CNTNAP2: variants seen among roughly 807,000 people sequenced by gnomAD.
The protein encoded by CNTNAP2 is contactin-associated protein-like 2.
Under a neutral mutation model 155.2 loss-of-function variants are expected in CNTNAP2, and 98 were observed. The ratio of observed to expected loss-of-function variants is 0.63; its 90% CI spans 0.54 to 0.75. CNTNAP2 has a LOEUF of 0.75. Ranked by LOEUF, CNTNAP2 falls within the 30% of genes least tolerant of loss-of-function variation. CNTNAP2 has a pLI of 0.00. For synonymous variants in CNTNAP2, 651 were observed against 631.2 expected, an observed-to-expected ratio of 1.03 and a Z score of -0.47; for missense variants, 1,727 against 1,688.1, an observed-to-expected ratio of 1.02 and a Z score of -0.40.
chr7:147,705,981 AT>A lies in CNTNAP2; in HGVS notation c.2098+66685del, dbSNP rs113330542. Among the ~76,000 whole-genome samples the A allele has an allele frequency of 4.0e-4, 58 of 145,270 alleles. 1 individual carries two copies. Among genetic ancestry groups the A allele is most frequent in the African/African-American group, 7.7e-4 (31 of 40,018 alleles). Reference sequence around the variant, plus strand: ...CTTGTGGGTGGAAGAGAGTTGGCTCATTTTTTTTTTGTCTTTTCAGCCAGTC... The same window carrying A: ...CTTGTGGGTGGAAGAGAGTTGGCTCATTTTTTTTTGTCTTTTCAGCCAGTC... On this transcript the variant is annotated intron_variant, in intron 13 of 23. Transcript: ENST00000361727.
intron 16 of CNTNAP2, among the ~76,000 whole-genome samples, chr7:148,130,574 C>A (rs1187475250): frequency 1.3e-5 from 2 of 152,312 alleles, no homozygotes; most frequent in East Asian, 1.9e-4. Flanking sequence ...CCTTATAAGA[C>A]AAAGTACAAT....
intron 8 of CNTNAP2, among the ~76,000 whole-genome samples, chr7:147,196,401 A>G (rs990803054): frequency 6.6e-6 from 1 of 152,238 alleles, no homozygotes; most frequent in Admixed American, 6.5e-5. Flanking sequence ...AATATTAGCT[A>G]GGAATGGACC....
chr7:148,181,278 C>T (rs59800292), intron 18 of CNTNAP2, among the ~76,000 whole-genome samples: 55,765 of 151,924 alleles, frequency 0.37, 11,021 homozygotes, highest in South Asian at 0.43. Flanking sequence ...TCTATATAGT[C>T]TGTTGATTAT....
intron 12 of CNTNAP2, among the ~76,000 whole-genome samples, chr7:147,612,653 G>T (rs548537058): frequency 7.9e-4 from 120 of 152,048 alleles, no homozygotes; most frequent in African/African-American, 2.4e-3. Flanking sequence ...TGCCCGCCTT[G>T]GCCTCCCAAA....
intron 3 of CNTNAP2, among the ~76,000 whole-genome samples, chr7:146,995,999 T>G (rs1407297752): frequency 1.3e-5 from 2 of 152,110 alleles, no homozygotes; most frequent in African/African-American, 4.8e-5. Context: ...TCTCCTGTTT[T>G]GTTTTTGTTT....
intron 1 of CNTNAP2, among the ~76,000 whole-genome samples, chr7:146,624,988 CTCCA>C (rs1585012674): frequency 6.6e-6 from 1 of 151,888 alleles, no homozygotes. Context: ...GAAAAATAAT[CTCCA>C]TCCAACAAAC....
At chr7:148,047,148 A>G in intron 15 of CNTNAP2, among the ~76,000 whole-genome samples, 1 of 152,114 alleles carries the variant, frequency 6.6e-6, no homozygotes, top group East Asian at 1.9e-4. Flanking sequence ...ACTACTTGCC[A>G]TTGGTCATTA....
intron 4 of CNTNAP2, among the ~76,000 whole-genome samples, chr7:147,102,964 AT>A (rs2129278179): frequency 6.6e-6 from 1 of 152,340 alleles, no homozygotes; most frequent in South Asian, 2.1e-4. Context: ...CAGTCTTTTC[AT>A]CTGACTATTG....
At chr7:147,410,753 A>G (rs989876979) in intron 10 of CNTNAP2, among the ~76,000 whole-genome samples, 2 of 152,222 alleles carry the variant, frequency 1.3e-5, no homozygotes, top group African/African-American at 4.8e-5. Flanking sequence ...ACACACAGGA[A>G]TATAAGACAG....
intron 20 of CNTNAP2, among the ~76,000 whole-genome samples, chr7:148,236,264 C>T (rs1011103173): frequency 6.6e-6 from 1 of 152,116 alleles, no homozygotes; most frequent in Non-Finnish European, 1.5e-5. Flanking sequence ...ACTTTGGGGC[C>T]AGTGGACACA....
chr7:146,209,700 G>A (rs889958448), intron 1 of CNTNAP2, among the ~76,000 whole-genome samples: 3 of 152,064 alleles, frequency 2.0e-5, no homozygotes, highest in Non-Finnish European at 4.4e-5. Context: ...TAAAGGAAAT[G>A]TTTGAAATAA....
At position 146,221,924 on chromosome 7, in the gene CNTNAP2, A is replaced by G. The variant is rs139144916; in HGVS notation, c.97+104951A>G. On this transcript the variant is annotated intron_variant, in intron 1 of 23. Transcript: ENST00000361727. ...TCAAGGAAAAGACAATGAGGTTCCT[A>G]TCATTTATGTATCCTCAGTGCCTAG... 3.4e-3 allele frequency among the ~76,000 whole-genome samples: 525 copies of G among 152,326 alleles called. 3 individuals are homozygous for G. Among genetic ancestry groups the G allele is most frequent in the South Asian group, 0.011 (53 of 4,828 alleles).
chr7:146,403,607 G>A (rs971006817), intron 1 of CNTNAP2, among the ~76,000 whole-genome samples: 2 of 151,908 alleles, frequency 1.3e-5, no homozygotes, highest in Non-Finnish European at 2.9e-5. Context: ...GTATATTTTG[G>A]AAAACAAATG....
intron 1 of CNTNAP2, among the ~76,000 whole-genome samples, chr7:146,434,491 C>A (rs139329954): frequency 5.3e-4 from 81 of 152,232 alleles, no homozygotes; most frequent in African/African-American, 1.8e-3. Flanking sequence ...TAGTTCATAA[C>A]CCTCAACATT....
intron 22 of CNTNAP2, among the ~76,000 whole-genome samples, chr7:148,395,125 C>G (rs1051764413): frequency 1.4e-5 from 2 of 144,940 alleles, no homozygotes; most frequent in African/African-American, 5.2e-5. Context: ...GTTGACCCCC[C>G]CCCCTTATTG....
chr7:146,320,650 T>G (rs1198223728), intron 1 of CNTNAP2, among the ~76,000 whole-genome samples: 6 of 152,162 alleles, frequency 3.9e-5, no homozygotes, highest in Non-Finnish European at 8.8e-5. Flanking sequence ...AAGTGGTGGA[T>G]TGATTTAATT....
chr7:147,086,017 T>C (rs1031667047), intron 4 of CNTNAP2, among the ~76,000 whole-genome samples: 1 of 152,110 alleles, frequency 6.6e-6, no homozygotes, highest in South Asian at 2.1e-4. Flanking sequence ...CTTGAAATGG[T>C]AGAAAAACCC....
chr7:147,211,108 T>C (rs1433132074), intron 8 of CNTNAP2, among the ~76,000 whole-genome samples: 3 of 151,830 alleles, frequency 2.0e-5, no homozygotes, highest in Non-Finnish European at 4.4e-5. Flanking sequence ...ATGTATTGTA[T>C]AGTTGATAGG....
At chr7:146,947,204 T>A (rs1797195144) in intron 3 of CNTNAP2, among the ~76,000 whole-genome samples, 1 of 151,592 alleles carries the variant, frequency 6.6e-6, no homozygotes, top group African/African-American at 2.4e-5. Context: ...GCTAAAAATA[T>A]GAAGTTAGAA....
Sources: allele counts gnomAD v4.1 joint callset (sites outside exome capture counted in the v4.1 genomes callset), GRCh38; gene constraint gnomAD v4.1.1; transcripts MANE v1.5; gene names NCBI Gene and HGNC (gene_info 2026-07-23, HGNC 2026-07-21).